WWC1: variants seen among roughly 807,000 people sequenced by gnomAD.
WWC1 encodes WW and C2 domain containing 1.
Under a neutral mutation model 138.4 loss-of-function variants are expected in WWC1, and 55 were observed. That is an observed-to-expected ratio of 0.40 (90% CI 0.32 to 0.50). The LOEUF (loss-of-function observed/expected upper bound fraction) is 0.50. Among genes scored for constraint, WWC1 ranks in the 20% least tolerant of loss-of-function variants. WWC1 has a pLI of 0.72. For missense variants in WWC1, 1,226 were observed against 1,420.4 expected (o/e 0.86, Z 2.20); for synonymous variants, 524 against 564.9 (o/e 0.93, Z 1.03).
At chr5:168,387,394 T>C (rs1778126424) in intron 3 of WWC1, among the ~76,000 whole-genome samples, 1 of 152,166 alleles carries the variant, frequency 6.6e-6, no homozygotes, top group African/African-American at 2.4e-5. Context: ...AGGAAAACCC[T>C]CAGGATCTCA....
intron 1 of WWC1, among the ~76,000 whole-genome samples, chr5:168,333,389 T>A (rs181501669): frequency 6.6e-6 from 1 of 152,230 alleles, no homozygotes; most frequent in Non-Finnish European, 1.5e-5. Flanking sequence ...TTGAGATTCA[T>A]GGAAAATGTG....
intron 11 of WWC1, among the ~76,000 whole-genome samples, chr5:168,427,748 G>A (rs1354283615): frequency 6.6e-6 from 1 of 151,510 alleles, no homozygotes; most frequent in East Asian, 2.0e-4. Flanking sequence ...AAGACCAGGA[G>A]TTCAAGACCA....
At chr5:168,309,598 T>A (rs72822608) in intron 1 of WWC1, among the ~76,000 whole-genome samples, 1 of 152,294 alleles carries the variant, frequency 6.6e-6, no homozygotes, top group Non-Finnish European at 1.5e-5. Context: ...TTTTGCAGGC[T>A]CTGACACCTC....
At position 168,383,848 on chromosome 5, in the gene WWC1, T is replaced by A. The variant is rs112781525; in HGVS notation, c.230-1363T>A. Among the ~76,000 whole-genome samples, 129 of 152,318 alleles carry A rather than the reference T, an allele frequency of 8.5e-4. No individual in the cohort carries two copies. In the Middle Eastern group the frequency reaches 0.01, roughly 12 times the overall value. On this transcript the variant is annotated intron_variant, in intron 2 of 22. Transcript: ENST00000265293. Reference sequence around the variant, plus strand: ...TGAGGAGTTAATAGTCCATGGGCATTGATTCTTTGACATTATTTTAACCTC... The same window carrying A: ...TGAGGAGTTAATAGTCCATGGGCATAGATTCTTTGACATTATTTTAACCTC...
chr5:168,356,084 C>T (rs1480947897), intron 1 of WWC1, among the ~76,000 whole-genome samples: 2 of 152,156 alleles, frequency 1.3e-5, no homozygotes, highest in African/African-American at 2.4e-5. Flanking sequence ...ATCGGTTCTC[C>T]CATCTAGGTA....
intron 11 of WWC1, among the ~76,000 whole-genome samples, chr5:168,424,440 C>T (rs1464377466): frequency 1.3e-5 from 2 of 152,204 alleles, no homozygotes; most frequent in African/African-American, 2.4e-5. Context: ...TCCCTGTTCT[C>T]ATGAAGCTTA....
At chr5:168,391,734 G>GAC (rs70976480) in intron 3 of WWC1, among the ~76,000 whole-genome samples, 1 of 131,296 alleles carries the variant, frequency 7.6e-6, no homozygotes, top group African/African-American at 2.9e-5. Context: ...AAAACTAGGA[G>GAC]TATCAGATAA....
At chr5:168,330,010 G>C (rs1270287343) in intron 1 of WWC1, among the ~76,000 whole-genome samples, 1 of 152,160 alleles carries the variant, frequency 6.6e-6, no homozygotes, top group Non-Finnish European at 1.5e-5. Flanking sequence ...CTTGGGAGGC[G>C]GAGGCATGAG....
At chr5:168,323,671 TC>T (rs1308084844) in intron 1 of WWC1, among the ~76,000 whole-genome samples, 5 of 152,206 alleles carry the variant, frequency 3.3e-5, no homozygotes, top group Admixed American at 3.3e-4. Context: ...GTATTTGCAT[TC>T]CCATAAAAAA....
At position 168,420,818 on chromosome 5, in the gene WWC1, G is replaced by A. The variant is rs368488394; in HGVS notation, c.1185-1190G>A. Among the ~76,000 whole-genome samples, 31 of 152,124 alleles carry A rather than the reference G, an allele frequency of 2.0e-4. No homozygotes were observed. In the East Asian group the frequency reaches 5.0e-3, roughly 25 times the overall value. ...GCATTGCTCAAGCCTCCACCATCTCGGTTACACCTCACAGCCACCCTCCCC... is the reference window on the plus strand; with the variant it reads ...GCATTGCTCAAGCCTCCACCATCTCAGTTACACCTCACAGCCACCCTCCCC... On this transcript the variant is annotated intron_variant, in intron 9 of 22. Coordinates refer to ENST00000265293, the MANE Select transcript of WWC1 (RefSeq NM_015238.3).
intron 1 of WWC1, among the ~76,000 whole-genome samples, chr5:168,299,479 A>G (rs1308926753): frequency 6.6e-6 from 1 of 152,208 alleles, no homozygotes; most frequent in African/African-American, 2.4e-5. Flanking sequence ...TGAAGGATGC[A>G]GTGTGTACAA....
chr5:168,378,415 T>C (rs1380938206), intron 2 of WWC1, among the ~76,000 whole-genome samples: 1 of 151,142 alleles, frequency 6.6e-6, no homozygotes. Flanking sequence ...GAATCTAAAA[T>C]TTAAAAGTTA....
At chr5:168,451,028 A>T (rs1192272435) in intron 17 of WWC1, among the ~76,000 whole-genome samples, 2 of 152,044 alleles carry the variant, frequency 1.3e-5, no homozygotes, top group Non-Finnish European at 2.9e-5. Context: ...TTATTTATTT[A>T]TTTTGAGACA....
At chr5:168,382,289 G>A (rs1181913553) in intron 2 of WWC1, among the ~76,000 whole-genome samples, 2 of 152,122 alleles carry the variant, frequency 1.3e-5, no homozygotes, top group Non-Finnish European at 1.5e-5. Context: ...TGTATATATA[G>A]GCGTGTATGT....
intron 9 of WWC1, among the ~76,000 whole-genome samples, chr5:168,419,045 A>G (rs576741367): frequency 6.6e-6 from 1 of 152,140 alleles, no homozygotes; most frequent in East Asian, 1.9e-4. Flanking sequence ...AACAAGCCCG[A>G]CCCACCCCTC....
rs1757683033 is a variant in WWC1 at position 168,471,846 on chromosome 5, C to T, written c.*2829C>T. ...AGAGATGGAGACAGAATGGGGGTGT[C>T]CTGGGGATCTTGGAGCCTGAATTCA... On this transcript the variant is annotated 3_prime_UTR_variant, in exon 23 of 23. Coordinates refer to ENST00000265293, the MANE Select transcript of WWC1 (RefSeq NM_015238.3). The T allele has an allele frequency of 6.6e-6, 1 of 152,266 alleles. No homozygotes were observed. Among genetic ancestry groups the T allele is most frequent in the Non-Finnish European group, 1.5e-5 (1 of 68,090 alleles). The allele number at this position is 152,266 out of a possible 1,614,324, so 9.4% of individuals were successfully genotyped here. A position where few individuals can be genotyped will look rare whatever the true frequency, so the allele number is the denominator to read the frequency against.
intron 21 of WWC1, among the ~76,000 whole-genome samples, chr5:168,466,204 G>T (rs571697765): frequency 6.6e-6 from 1 of 152,138 alleles, no homozygotes; most frequent in Non-Finnish European, 1.5e-5. Flanking sequence ...AACTGGAAGG[G>T]TAAAAATTTG....
At position 168,413,015 on chromosome 5, in the gene WWC1, T is replaced by C. The variant is rs546540844; in HGVS notation, c.942-1333T>C. Among the ~76,000 whole-genome samples the C allele has an allele frequency of 2.0e-4, 31 of 152,268 alleles. No homozygotes were observed. In the South Asian group the frequency reaches 6.4e-3, roughly 32 times the overall value. On this transcript the variant is annotated intron_variant, in intron 8 of 22. Transcript: ENST00000265293. ...GGGGAACAAGCAAATCTAGGTATGTTTTTCTACATGGAATTTTTGCTGCAC... is the reference window on the plus strand; with the variant it reads ...GGGGAACAAGCAAATCTAGGTATGTCTTTCTACATGGAATTTTTGCTGCAC...
intron 15 of WWC1, among the ~76,000 whole-genome samples, chr5:168,438,162 T>A (rs1561766417): frequency 6.6e-6 from 1 of 152,204 alleles, no homozygotes; most frequent in East Asian, 1.9e-4. Context: ...CTTTCCCCAC[T>A]CAACACCGTG....
Sources: allele counts gnomAD v4.1 joint callset (sites outside exome capture counted in the v4.1 genomes callset), GRCh38; gene constraint gnomAD v4.1.1; transcripts MANE v1.5; gene names NCBI Gene and HGNC (gene_info 2026-07-23, HGNC 2026-07-21).